The following LATS2 variants were observed in gnomAD, a reference collection of about 807,000 sequenced individuals.
The protein encoded by LATS2 is serine/threonine-protein kinase LATS2.
A neutral mutation model predicts 76.0 loss-of-function variants in LATS2; 24 were observed. The ratio of observed to expected loss-of-function variants is 0.32; its 90% CI spans 0.23 to 0.44. The LOEUF (loss-of-function observed/expected upper bound fraction) is 0.44. Among genes scored for constraint, LATS2 ranks in the 20% least tolerant of loss-of-function variants. The probability of loss-of-function intolerance (pLI) is 1.00; values close to 1 mark genes in which losing one functional copy is unlikely to be tolerated. For synonymous variants in LATS2, 692 were observed against 635.4 expected, an observed-to-expected ratio of 1.09 and a Z score of -1.34; for missense variants, 1,286 against 1,481.2, an observed-to-expected ratio of 0.87 and a Z score of 2.16.
intron 4 of LATS2, among the ~76,000 whole-genome samples, chr13:20,984,491 A>G (rs570701946): frequency 2.0e-5 from 3 of 152,226 alleles, no homozygotes; most frequent in Non-Finnish European, 4.4e-5. Flanking sequence ...TACATTAGAT[A>G]GACTTGTATA....
chr13:20,982,409 T>C (rs775697303), intron 5 of LATS2, among the ~76,000 whole-genome samples: 2 of 152,188 alleles, frequency 1.3e-5, no homozygotes, highest in Non-Finnish European at 2.9e-5. Context: ...CTTCCCGGGT[T>C]CAAGCGATTC....
chr13:21,012,206 T>A (rs780771422), intron 2 of LATS2, among the ~76,000 whole-genome samples: 1 of 151,858 alleles, frequency 6.6e-6, no homozygotes, highest in Non-Finnish European at 1.5e-5. Flanking sequence ...TATAAAAGAT[T>A]AAAAAAAATG....
intron 4 of LATS2, 140 bp downstream of exon 4, chr13:20,987,741 C>T: frequency 1.0e-6 from 1 of 959,184 alleles, no homozygotes; most frequent in Non-Finnish European, 1.5e-6. Flanking sequence ...AGTTGTTGGC[C>T]CCAGAACCAG....
intron 2 of LATS2, among the ~76,000 whole-genome samples, chr13:20,996,706 A>G (rs1044560333): frequency 6.6e-6 from 1 of 152,082 alleles, no homozygotes; most frequent in Non-Finnish European, 1.5e-5. Context: ...GATACTTTGA[A>G]GGCAGAACTG....
chr13:21,026,887 G>T (rs971236826), intron 2 of LATS2, among the ~76,000 whole-genome samples: 2 of 152,122 alleles, frequency 1.3e-5, no homozygotes, highest in African/African-American at 4.8e-5. Context: ...CCACTACTTA[G>T]TATTATCAGA....
At chr13:21,037,043 T>C (rs1006984076) in intron 2 of LATS2, among the ~76,000 whole-genome samples, 4 of 152,230 alleles carry the variant, frequency 2.6e-5, no homozygotes, top group African/African-American at 4.8e-5. Flanking sequence ...AGAATGTTCA[T>C]GACCAGCTCT....
chr13:20,988,839 G>C lies in LATS2; in HGVS notation c.941C>G (p.Pro314Arg). The C allele has an allele frequency of 6.3e-7, 1 of 1,595,080 alleles. No individual in the cohort carries two copies. The highest frequency in any genetic ancestry group is 1.7e-4 in the Middle Eastern group (1 of 5,984). Residue 314 changes from proline (P) to arginine (R), a missense_variant, in exon 4 of 8, where the codon CCG (proline) becomes CGG (arginine). This residue lies in a region of LATS2 where 710 missense variants were observed against 660.9 expected (regional missense o/e 1.07). Coordinates refer to ENST00000382592, the MANE Select transcript of LATS2 (RefSeq NM_014572.3). ...ACCGGCCTGCTTGTGGTGTGGGTGC[G>C]GCACGTAGAGCCCGGCGGCAGGGGG... ...FPPPAAGLYV[P>R]HPHHKQAGPA...
intron 1 of LATS2, among the ~76,000 whole-genome samples, chr13:21,060,481 C>G (rs971071530): frequency 6.6e-6 from 1 of 152,208 alleles, no homozygotes; most frequent in Non-Finnish European, 1.5e-5. Flanking sequence ...CCGCCAAGAC[C>G]GTGAGCAAAC....
chr13:21,005,943 G>A (rs756133955), intron 2 of LATS2, among the ~76,000 whole-genome samples: 66 of 151,994 alleles, frequency 4.3e-4, no homozygotes, highest in African/African-American at 1.5e-3. Flanking sequence ...GAGAAACCCC[G>A]TCTCTACTAA....
intron 2 of LATS2, among the ~76,000 whole-genome samples, chr13:21,021,355 C>T (rs1323886904): frequency 6.6e-6 from 1 of 151,398 alleles, no homozygotes; most frequent in Non-Finnish European, 1.5e-5. Context: ...TGCCTGTAAT[C>T]CCAATTATTC....
At position 21,024,604 on chromosome 13, in the gene LATS2, C is replaced by T. The variant is rs114765892; in HGVS notation, c.342+21081G>A. ...CCTCACGGATGACATCTCACTTTGA[C>T]GGTCATCACTGACCAGCACCGTGCT... On this transcript the variant is annotated intron_variant, in intron 2 of 7. Transcript: ENST00000382592. Among the ~76,000 whole-genome samples the T allele has an allele frequency of 5.3e-3, 799 of 151,116 alleles. 8 individuals are homozygous for T. Among genetic ancestry groups the T allele is most frequent in the African/African-American group, 0.019 (769 of 41,086 alleles).
intron 1 of LATS2, among the ~76,000 whole-genome samples, chr13:21,058,612 G>GAGAAGCCAGA (rs1395229482): frequency 6.6e-6 from 1 of 152,218 alleles, no homozygotes; most frequent in Non-Finnish European, 1.5e-5. Context: ...AAACTCGATG[G>GAGAAGCCAGA]AGAAGCCAGA....
At chr13:21,003,153 G>T (rs1021108995) in intron 2 of LATS2, among the ~76,000 whole-genome samples, 1 of 152,174 alleles carries the variant, frequency 6.6e-6, no homozygotes, top group African/African-American at 2.4e-5. Flanking sequence ...AAAATGCTTA[G>T]AAATAATAAT....
intron 2 of LATS2, among the ~76,000 whole-genome samples, chr13:21,002,374 C>CTT (rs549992152): frequency 8.0e-5 from 11 of 137,272 alleles, no homozygotes; most frequent in Non-Finnish European, 1.3e-4. Flanking sequence ...AATTAATTAA[C>CTT]TTTTTTTTTT....
At position 20,975,005 on chromosome 13, in the gene LATS2, C is replaced by A. The variant is rs765160402; in HGVS notation, c.3132G>T (p.Arg1044Ser). Residue 1044 changes from arginine (R) to serine (S), a missense_variant, in exon 8 of 8, where the codon AGG (arginine) becomes AGT (serine). Physicochemically the swap from Arg to Ser is moderately radical, Grantham distance 110 (BLOSUM62 -1). This residue lies in a region of LATS2 where 210 missense variants were observed against 234.9 expected (regional missense o/e 0.89). Coordinates refer to ENST00000382592, the MANE Select transcript of LATS2 (RefSeq NM_014572.3). ...EHAFYEFTFRRFFDDNGYPFR... is the reference protein window; with the variant it reads ...EHAFYEFTFRSFFDDNGYPFR... ...AGGGGTAGCCATTGTCATCAAAGAA[C>A]CTTCGGAAGGTGAATTCGTAAAATG... 5 of 1,614,230 alleles carry A rather than the reference C, an allele frequency of 3.1e-6. No individual in the cohort carries two copies. Among genetic ancestry groups the A allele is most frequent in the African/African-American group, 1.3e-5 (1 of 75,056 alleles).
intron 2 of LATS2, among the ~76,000 whole-genome samples, chr13:20,999,466 ACTTTTT>A (rs773037587): frequency 5.9e-5 from 9 of 151,710 alleles, no homozygotes; most frequent in African/African-American, 1.7e-4. Flanking sequence ...AGAAGCGAGC[ACTTTTT>A]CTTTTTCTTT....
At chr13:21,041,324 T>A (rs1872874031) in intron 2 of LATS2, among the ~76,000 whole-genome samples, 1 of 152,170 alleles carries the variant, frequency 6.6e-6, no homozygotes, top group African/African-American at 2.4e-5. Context: ...GCAGCTGGTG[T>A]GGACACTGTT....
At chr13:21,057,673 G>A (rs1006804581) in intron 1 of LATS2, among the ~76,000 whole-genome samples, 1 of 152,008 alleles carries the variant, frequency 6.6e-6, no homozygotes, top group Non-Finnish European at 1.5e-5. Flanking sequence ...GGTGGCGGGC[G>A]CCTGTAGTCC....
chr13:21,046,118 T>A lies in LATS2; in HGVS notation c.-92A>T. 1 of 855,792 alleles carries A rather than the reference T, an allele frequency of 1.2e-6. No homozygotes were observed. The highest frequency in any genetic ancestry group is 1.8e-6 in the Non-Finnish European group (1 of 562,636). The allele number at this position is 855,792 out of a possible 1,614,324, so 53.0% of individuals were successfully genotyped here. ...AACTGTCAATAGTATCAGTTTGTTG[T>A]AAACATACTTTCAAAATAATTTCCT... On this transcript the variant is annotated 5_prime_UTR_variant, in exon 2 of 8. Transcript: ENST00000382592.
Sources: allele counts gnomAD v4.1 joint callset (sites outside exome capture counted in the v4.1 genomes callset), GRCh38; gene constraint gnomAD v4.1.1; regional missense constraint gnomAD v4.1.1; transcripts MANE v1.5; gene names NCBI Gene and HGNC (gene_info 2026-07-23, HGNC 2026-07-21).